Variants in FBXW8 observed in about 807,000 individuals in gnomAD.
The protein encoded by FBXW8 is F-box and WD repeat domain containing 8, also known as F-box/WD repeat-containing protein 8.
FBXW8 carries 57 observed loss-of-function variants against 65.3 expected under a neutral mutation model. That is an observed-to-expected ratio of 0.87 (90% CI 0.71 to 1.09). FBXW8 has a LOEUF of 1.09. Among genes scored for constraint, FBXW8 ranks in the 50% least tolerant of loss-of-function variants. The pLI is 0.00. For missense variants in FBXW8, 777 were observed against 814.8 expected (o/e 0.95, Z 0.57); for synonymous variants, 308 against 330.2 (o/e 0.93, Z 0.73).
At chr12:116,980,962 A>G (rs1885265404) in intron 5 of FBXW8, among the ~76,000 whole-genome samples, 1 of 152,114 alleles carries the variant, frequency 6.6e-6, no homozygotes, top group Non-Finnish European at 1.5e-5. Context: ...TCAGTCAGGG[A>G]CTTTTTTTGT....
At chr12:116,914,569 T>G (rs1880248089) in intron 1 of FBXW8, among the ~76,000 whole-genome samples, 1 of 65,400 alleles carries the variant, frequency 1.5e-5, no homozygotes. Context: ...CGAAACCCTG[T>G]CTCAAAAAAA....
In FBXW8 at chr12:116,949,635, G is replaced by A. The variant is rs1356466247; in HGVS notation, c.606G>A (p.Val202=). 1 of 1,614,088 alleles carries A rather than the reference G, an allele frequency of 6.2e-7. No homozygotes were observed. The highest frequency in any genetic ancestry group is 8.5e-7 in the Non-Finnish European group (1 of 1,180,054). Residue 202 remains valine, a synonymous_variant, in exon 4 of 11, where the codon GTG becomes GTA. Transcript: ENST00000652555. ...TCACGCAGAATCGCAAAGGTGCCGTGAGCGAGCTGGAGCATGTTCCTGACA... is the reference window on the plus strand; with the variant it reads ...TCACGCAGAATCGCAAAGGTGCCGTAAGCGAGCTGGAGCATGTTCCTGACA... ...RTNWKNRKGA[V]SELEHVPDTV...
rs200695830 is a variant in FBXW8, at chr12:116,916,579, G to A, written c.318+5224G>A. On this transcript the variant is annotated intron_variant, in intron 1 of 10. Transcript: ENST00000652555. ...AATTGGGAATATGTATTTTTATGTGGACTCCTTCAGTTTTTTCTGCATGAG... is the reference window on the plus strand; with the variant it reads ...AATTGGGAATATGTATTTTTATGTGAACTCCTTCAGTTTTTTCTGCATGAG... Among the ~76,000 whole-genome samples the A allele has an allele frequency of 3.9e-5, 6 of 152,038 alleles. No homozygotes were observed. In the East Asian group the frequency reaches 1.2e-3, roughly 29 times the overall value.
At chr12:116,942,287 C>G (rs1882629712) in intron 2 of FBXW8, among the ~76,000 whole-genome samples, 1 of 151,720 alleles carries the variant, frequency 6.6e-6, no homozygotes, top group Non-Finnish European at 1.5e-5. Flanking sequence ...TCCAAAGGTG[C>G]TAGGATTACA....
In FBXW8 at chr12:116,995,158, A is replaced by G. The variant is rs1443861753; in HGVS notation, c.1239+6289A>G. Among the ~76,000 whole-genome samples the G allele has an allele frequency of 2.6e-5, 4 of 152,244 alleles. No individual in the cohort carries two copies. In the South Asian group the frequency reaches 8.3e-4, roughly 32 times the overall value. On this transcript the variant is annotated intron_variant, in intron 7 of 10. Coordinates refer to ENST00000652555, the MANE Select transcript of FBXW8 (RefSeq NM_153348.3). The stretch of plus-strand genomic sequence containing the variant: ...TGACTTCATCTAGAATCAGTGTAGC[A>G]TGACTGACAGCCCTATCCGGCCAGT...
At chr12:117,018,620 C>G (rs1954015215) in intron 8 of FBXW8, among the ~76,000 whole-genome samples, 1 of 152,192 alleles carries the variant, frequency 6.6e-6, no homozygotes, top group African/African-American at 2.4e-5. Context: ...CAGAGTGGTG[C>G]TTCTCTAAGG....
intron 2 of FBXW8, among the ~76,000 whole-genome samples, chr12:116,941,245 G>A (rs569765414): frequency 1.3e-4 from 20 of 152,324 alleles, no homozygotes; most frequent in Admixed American, 5.2e-4. Flanking sequence ...TTCTTGCAAT[G>A]AGGAGATACA....
chr12:116,975,172 C>T (rs906087963), intron 5 of FBXW8, among the ~76,000 whole-genome samples: 3 of 152,138 alleles, frequency 2.0e-5, no homozygotes, highest in East Asian at 1.9e-4. Flanking sequence ...TGGCAAGCAC[C>T]GTAATCATAA....
chr12:117,003,867 T>A (rs1422239243), intron 7 of FBXW8, among the ~76,000 whole-genome samples: 1 of 152,240 alleles, frequency 6.6e-6, no homozygotes, highest in African/African-American at 2.4e-5. Flanking sequence ...CTCCTTGTCT[T>A]TAATTTTCTG....
rs368536426 is a variant in FBXW8 at position 117,010,439 on chromosome 12, C to T, written c.1356C>T (p.Asn452=). The T allele has an allele frequency of 6.2e-7, 1 of 1,614,108 alleles. No homozygotes were observed. The highest frequency in any genetic ancestry group is 8.5e-7 in the Non-Finnish European group (1 of 1,180,052). ...CTCCCAACCTCATGGTCAGTGGCAA[C>T]ATGGACGGGAGGTACGTGAGTTGGA... is the stretch of plus-strand genomic sequence containing the variant. ...DSPPNLMVSG[N]MDGRVRIHDL... is the part of the protein sequence containing the mutation. The change falls in exon 8 of 11, where the codon AAC becomes AAT. Residue 452 remains asparagine, a synonymous_variant. Transcript: ENST00000652555.
rs1484755721 is a variant in FBXW8 at position 117,030,203 on chromosome 12, A to G, written c.*2031A>G. The stretch of plus-strand genomic sequence containing the variant: ...CGCAGCCATTCCATATTCATCTCCA[A>G]CTACACAGGGGAACGGAGCAGATAG... On this transcript the variant is annotated 3_prime_UTR_variant, in exon 11 of 11. Coordinates refer to ENST00000652555, the MANE Select transcript of FBXW8 (RefSeq NM_153348.3). The G allele has an allele frequency of 2.6e-5, 4 of 152,004 alleles. No individual in the cohort carries two copies. The highest frequency in any genetic ancestry group is 1.9e-4 in the East Asian group (1 of 5,172). The allele number at this position is 152,004 out of a possible 1,614,324, so 9.4% of individuals were successfully genotyped here.
chr12:116,941,405 G>A (rs918622931), intron 2 of FBXW8, among the ~76,000 whole-genome samples: 1 of 152,146 alleles, frequency 6.6e-6, no homozygotes, highest in African/African-American at 2.4e-5. Context: ...ATCTAACTTC[G>A]GATGCTGTGA....
At chr12:116,925,489 A>G (rs1249277800) in intron 1 of FBXW8, among the ~76,000 whole-genome samples, 2 of 152,166 alleles carry the variant, frequency 1.3e-5, no homozygotes, top group African/African-American at 2.4e-5. Flanking sequence ...GGAGGAGTCT[A>G]CATATTTCTT....
intron 5 of FBXW8, among the ~76,000 whole-genome samples, chr12:116,980,924 C>T (rs1049577998): frequency 6.6e-6 from 1 of 152,136 alleles, no homozygotes; most frequent in Admixed American, 6.5e-5. Flanking sequence ...CCTTTCAATT[C>T]TTATATGTCA....
intron 2 of FBXW8, among the ~76,000 whole-genome samples, chr12:116,937,574 A>T (rs1200667781): frequency 1.3e-5 from 2 of 152,162 alleles, no homozygotes; most frequent in Non-Finnish European, 2.9e-5. Context: ...TAAGAGGAGG[A>T]CTGAGAAATG....
At position 117,028,344 on chromosome 12, in the gene FBXW8, G is replaced by T. The variant is rs1414838835; in HGVS notation, c.*172G>T. 5.1e-6 allele frequency: 4 copies of T among 787,410 alleles called. No individual in the cohort carries two copies. The highest frequency in any genetic ancestry group is 7.9e-6 in the Non-Finnish European group (4 of 508,438). The allele number at this position is 787,410 out of a possible 1,614,324, so 48.8% of individuals were successfully genotyped here. On this transcript the variant is annotated 3_prime_UTR_variant, in exon 11 of 11. Coordinates refer to ENST00000652555, the MANE Select transcript of FBXW8 (RefSeq NM_153348.3). The surrounding 1 kb of genome is among the most constrained non-coding windows in gnomAD (Gnocchi z 4.1). ...ACCCCTGCACTTCCCCCAGCGCCTGGGGCAAGCTGGCGTGTGCCAGGGCTC... is the reference window on the plus strand; with the variant it reads ...ACCCCTGCACTTCCCCCAGCGCCTGTGGCAAGCTGGCGTGTGCCAGGGCTC...
At chr12:116,937,965 C>T (rs1426242621) in intron 2 of FBXW8, among the ~76,000 whole-genome samples, 1 of 151,920 alleles carries the variant, frequency 6.6e-6, no homozygotes, top group East Asian at 1.9e-4. Flanking sequence ...CTTTACTGAG[C>T]AAGGCCATTC....
At chr12:117,027,678 A>G (rs1388248583) in intron 10 of FBXW8, among the ~76,000 whole-genome samples, 174 bp downstream of exon 10, 1 of 152,038 alleles carries the variant, frequency 6.6e-6, no homozygotes, top group Non-Finnish European at 1.5e-5. Context: ...AGCACCCAGC[A>G]TCTGATGCAG....
chr12:117,000,079 T>C (rs1953477238), intron 7 of FBXW8, among the ~76,000 whole-genome samples: 1 of 151,742 alleles, frequency 6.6e-6, no homozygotes. Context: ...CCTCCCGGGT[T>C]CTCGCCATTC....
Sources: allele counts gnomAD v4.1 joint callset (sites outside exome capture counted in the v4.1 genomes callset), GRCh38; gene constraint gnomAD v4.1.1; non-coding constraint Gnocchi (gnomAD v3.1); transcripts MANE v1.5; gene names NCBI Gene and HGNC (gene_info 2026-07-23, HGNC 2026-07-21).